Variants in CPNE4 observed in about 807,000 individuals in gnomAD.
CPNE4 encodes the protein copine 4.
Under a neutral mutation model 67.9 loss-of-function variants are expected in CPNE4, and 25 were observed. The ratio of observed to expected loss-of-function variants is 0.37; its 90% CI spans 0.27 to 0.51. CPNE4 has a LOEUF of 0.51. CPNE4 is among the 20% of genes least tolerant of loss of function. The pLI, the probability that CPNE4 is intolerant of heterozygous loss-of-function variation, is 0.93. For synonymous variants in CPNE4, 242 were observed against 244.9 expected (o/e 0.99, Z 0.11); for missense variants, 464 against 690.8 (o/e 0.67, Z 3.68).
intron 1 of CPNE4, among the ~76,000 whole-genome samples, chr3:131,931,482 G>A (rs2071059018): frequency 6.6e-6 from 1 of 152,080 alleles, no homozygotes; most frequent in African/African-American, 2.4e-5. Flanking sequence ...TGGAGACTGT[G>A]TTTTAGGACT....
chr3:131,922,358 T>C (rs150245978), intron 1 of CPNE4, among the ~76,000 whole-genome samples: 117 of 152,342 alleles, frequency 7.7e-4, no homozygotes, highest in African/African-American at 2.8e-3. Flanking sequence ...GCCTTCGCTA[T>C]TGTGAAGAAC....
chr3:131,731,779 C>G (rs573142208), intron 2 of CPNE4, among the ~76,000 whole-genome samples: 1 of 152,272 alleles, frequency 6.6e-6, no homozygotes, highest in South Asian at 2.1e-4. Context: ...TAAATAGCCA[C>G]ATGGGGACAG....
chr3:131,867,371 T>G (rs1375068505), intron 2 of CPNE4, among the ~76,000 whole-genome samples: 2 of 152,096 alleles, frequency 1.3e-5, no homozygotes, highest in Non-Finnish European at 2.9e-5. Context: ...GAACAAAAAG[T>G]TAAACAGATT....
intron 7 of CPNE4, among the ~76,000 whole-genome samples, chr3:131,654,016 A>T (rs542211282): frequency 2.0e-5 from 3 of 152,342 alleles, no homozygotes; most frequent in African/African-American, 7.2e-5. Context: ...CATTATAATC[A>T]CCTTGGCTGC....
intron 1 of CPNE4, among the ~76,000 whole-genome samples, chr3:131,964,787 C>T (rs748218912): frequency 3.4e-4 from 52 of 152,020 alleles, no homozygotes; most frequent in Non-Finnish European, 6.8e-4. Context: ...GGAACCAAGT[C>T]GGAAAATATA....
chr3:131,976,619 A>G (rs1583544329), intron 1 of CPNE4, among the ~76,000 whole-genome samples: 2 of 152,176 alleles, frequency 1.3e-5, no homozygotes, highest in East Asian at 1.9e-4. Flanking sequence ...GGGAGAAATC[A>G]TAAAAAAAGA....
intron 7 of CPNE4, among the ~76,000 whole-genome samples, chr3:131,647,435 G>C (rs2079694493): frequency 6.6e-6 from 1 of 152,172 alleles, no homozygotes; most frequent in South Asian, 2.1e-4. Context: ...AGGAAGAGAA[G>C]CCTGGTTATC....
chr3:131,806,382 C>G (rs932836196), intron 2 of CPNE4, among the ~76,000 whole-genome samples: 2 of 151,856 alleles, frequency 1.3e-5, no homozygotes, highest in Admixed American at 1.3e-4. Flanking sequence ...AACCCTGTCT[C>G]TACTAAAAAT....
chr3:131,967,481 C>A (rs962571408), intron 1 of CPNE4, among the ~76,000 whole-genome samples: 1 of 152,186 alleles, frequency 6.6e-6, no homozygotes, highest in African/African-American at 2.4e-5. Context: ...ACCCCATCAT[C>A]TCAGCTCCAA....
intron 7 of CPNE4, among the ~76,000 whole-genome samples, chr3:131,645,266 A>G (rs762067096): frequency 1.3e-5 from 2 of 152,222 alleles, no homozygotes; most frequent in Non-Finnish European, 2.9e-5. Flanking sequence ...GTTACAGATA[A>G]TATCTCTGCA....
chr3:131,685,796 A>AAAAAAAGGAGTTT, intron 6 of CPNE4, 79 bp downstream of exon 6: 1 of 950,896 alleles, frequency 1.1e-6, no homozygotes, highest in Non-Finnish European at 1.6e-6. Context: ...ACACACACAC[A>AAAAAAAGGAGTTT]CAAAAAGGAG....
chr3:131,552,474 T>A lies in CPNE4; in HGVS notation c.1134A>T (p.Ala378=). The change falls in exon 13 of 16, where the codon GCA becomes GCT. Residue 378 remains alanine, a synonymous_variant. Transcript: ENST00000429747. ...PPEYTVSHDF[A]INFNEDNPEC... ...CTGGGTTGTCTTCATTAAAGTTGAT[T>A]GCAAAGTCATGAGAGACCTAGACAC... 1 of 1,612,662 alleles carries A rather than the reference T, an allele frequency of 6.2e-7. No homozygotes were observed.
intron 10 of CPNE4, among the ~76,000 whole-genome samples, chr3:131,564,753 A>T (rs115917473): frequency 6.6e-6 from 1 of 152,004 alleles, no homozygotes; most frequent in Admixed American, 6.6e-5. Flanking sequence ...CATAGGTAAG[A>T]TCCCTTAAAA....
At chr3:131,716,158 T>G (rs559637755) in intron 3 of CPNE4, among the ~76,000 whole-genome samples, 1 of 152,248 alleles carries the variant, frequency 6.6e-6, no homozygotes, top group South Asian at 2.1e-4. Flanking sequence ...TTTCCTTTCC[T>G]AAAGGCCAGG....
intron 2 of CPNE4, among the ~76,000 whole-genome samples, chr3:131,769,284 G>GAAATAC (rs2107830123): frequency 6.6e-6 from 1 of 152,220 alleles, no homozygotes; most frequent in African/African-American, 2.4e-5. Flanking sequence ...TTCTCTCAAG[G>GAAATAC]TTCTGGGAAG....
intron 1 of CPNE4, among the ~76,000 whole-genome samples, chr3:131,997,241 A>C (rs2073316804): frequency 1.3e-5 from 2 of 152,180 alleles, no homozygotes; most frequent in Admixed American, 1.3e-4. Flanking sequence ...ATTTTCAGTC[A>C]TTCCAACAGC....
chr3:131,636,740 C>CA (rs1178529859), intron 7 of CPNE4, among the ~76,000 whole-genome samples: 46 of 152,306 alleles, frequency 3.0e-4, no homozygotes, highest in Non-Finnish European at 1.3e-4. Flanking sequence ...AACACAAAAC[C>CA]AGTGCACTAA....
intron 6 of CPNE4, among the ~76,000 whole-genome samples, chr3:131,679,279 C>T (rs1583009449): frequency 6.6e-6 from 1 of 151,738 alleles, no homozygotes; most frequent in Admixed American, 6.6e-5. Context: ...GTGGTAATAT[C>T]CCTCTTATTA....
intron 9 of CPNE4, 48 bp downstream of exon 9, chr3:131,581,531 C>G: frequency 8.0e-7 from 1 of 1,247,056 alleles, no homozygotes; most frequent in African/African-American, 1.5e-5. Context: ...CTCTTCCTCT[C>G]AGATAGCCCT....
Sources: allele counts gnomAD v4.1 joint callset (sites outside exome capture counted in the v4.1 genomes callset), GRCh38; gene constraint gnomAD v4.1.1; transcripts MANE v1.5; gene names NCBI Gene and HGNC (gene_info 2026-07-23, HGNC 2026-07-21).